The following ADAMTSL1 variants were observed in gnomAD, a reference collection of about 807,000 sequenced individuals.
ADAMTSL1 encodes ADAMTS-like protein 1.
In ADAMTSL1, 126 loss-of-function variants were observed where a neutral mutation model predicts 201.8. The ratio of observed to expected loss-of-function variants is 0.62; its 90% CI spans 0.54 to 0.72. The LOEUF (loss-of-function observed/expected upper bound fraction) is 0.72, where lower values mean the gene tolerates loss of function less well. Among genes scored for constraint, ADAMTSL1 ranks in the 30% least tolerant of loss-of-function variants. The pLI is 0.00. For synonymous variants in ADAMTSL1, 1,121 were observed against 903.4 expected (o/e 1.24, Z -4.32); for missense variants, 2,679 against 2,277.8 (o/e 1.18, Z -3.59).
intron 1 of ADAMTSL1, among the ~76,000 whole-genome samples, chr9:18,036,991 CACTT>C (rs1821227976): frequency 6.6e-6 from 1 of 152,164 alleles, no homozygotes; most frequent in South Asian, 2.1e-4. Flanking sequence ...ACTCAAAACT[CACTT>C]CTCTTTTGTC....
chr9:18,413,515 G>T (rs1232248106), intron 2 of ADAMTSL1, among the ~76,000 whole-genome samples: 3 of 152,186 alleles, frequency 2.0e-5, no homozygotes, highest in African/African-American at 7.2e-5. Flanking sequence ...TTCTGTGTCT[G>T]TAATAGTTAT....
intron 2 of ADAMTSL1, among the ~76,000 whole-genome samples, chr9:18,188,564 G>C (rs1176215946): frequency 6.6e-6 from 1 of 152,102 alleles, no homozygotes; most frequent in East Asian, 1.9e-4. Flanking sequence ...ACTCTTAGAG[G>C]ATTTTCAGAT....
intron 2 of ADAMTSL1, among the ~76,000 whole-genome samples, chr9:18,445,965 C>T (rs1820176232): frequency 6.6e-6 from 1 of 151,932 alleles, no homozygotes; most frequent in South Asian, 2.1e-4. Flanking sequence ...GTATTCATCC[C>T]CCTATTTTAT....
intron 1 of ADAMTSL1, among the ~76,000 whole-genome samples, chr9:18,495,535 C>T (rs1243700156): frequency 6.6e-6 from 1 of 152,148 alleles, no homozygotes; most frequent in Non-Finnish European, 1.5e-5. Context: ...AAAGTATGAC[C>T]AGAACCTCAA....
chr9:18,444,169 A>G (rs1347667382), intron 2 of ADAMTSL1, among the ~76,000 whole-genome samples: 3 of 152,192 alleles, frequency 2.0e-5, no homozygotes, highest in Non-Finnish European at 2.9e-5. Flanking sequence ...ATGGTTTTAG[A>G]GAATTCTTAG....
chr9:18,458,204 A>C (rs546234044), intron 2 of ADAMTSL1, among the ~76,000 whole-genome samples: 115 of 152,314 alleles, frequency 7.6e-4, no homozygotes, highest in Non-Finnish European at 1.4e-3. Context: ...AGAGTTTTCA[A>C]ACATTTTTTA....
At chr9:18,616,032 CT>C (rs984087091) in intron 4 of ADAMTSL1, among the ~76,000 whole-genome samples, 19 of 147,944 alleles carry the variant, frequency 1.3e-4, no homozygotes, top group South Asian at 4.3e-4. Flanking sequence ...TTAAAAATTG[CT>C]TTTTTTTTTG....
chr9:18,867,166 A>T (rs564268202), intron 23 of ADAMTSL1, among the ~76,000 whole-genome samples: 15 of 152,384 alleles, frequency 9.8e-5, no homozygotes, highest in Middle Eastern at 3.4e-3. Context: ...ATTCTGCCAC[A>T]CACAGCAACC....
chr9:17,908,410 C>T (rs1195803377), intron 1 of ADAMTSL1, among the ~76,000 whole-genome samples: 1 of 151,808 alleles, frequency 6.6e-6, no homozygotes, highest in East Asian at 1.9e-4. Context: ...TAATTCTGTT[C>T]TGCAGCTGGG....
At chr9:18,172,272 A>G (rs1429134277) in intron 2 of ADAMTSL1, among the ~76,000 whole-genome samples, 3 of 152,126 alleles carry the variant, frequency 2.0e-5, no homozygotes, top group African/African-American at 4.8e-5. Flanking sequence ...AACTTAAAGT[A>G]TATATAAAAA....
At chr9:17,919,712 T>C (rs547356679) in intron 1 of ADAMTSL1, among the ~76,000 whole-genome samples, 134 of 152,298 alleles carry the variant, frequency 8.8e-4, no homozygotes, top group African/African-American at 2.9e-3. Flanking sequence ...TTTGTTTATT[T>C]GTTCATCTAC....
chr9:18,635,105 G>C (rs1347900837), intron 5 of ADAMTSL1, among the ~76,000 whole-genome samples: 1 of 151,636 alleles, frequency 6.6e-6, no homozygotes, highest in Non-Finnish European at 1.5e-5. Context: ...GCCAATGTCA[G>C]AAGTTTTGGG....
intron 1 of ADAMTSL1, among the ~76,000 whole-genome samples, chr9:18,132,558 T>G (rs533080290): frequency 6.6e-6 from 1 of 152,210 alleles, no homozygotes; most frequent in Non-Finnish European, 1.5e-5. Flanking sequence ...ACAACCTAGA[T>G]GGGTTCAACT....
At chr9:18,908,329 G>C (rs1440110306) in intron 28 of ADAMTSL1, 113 bp from the exon 29 acceptor site, 3 of 868,026 alleles carry the variant, frequency 3.5e-6, no homozygotes, top group Admixed American at 2.0e-5. Context: ...CAGACCCCAG[G>C]ATGTACCCCA....
At chr9:18,088,858 A>G (rs150121985) in intron 1 of ADAMTSL1, among the ~76,000 whole-genome samples, 166 of 152,320 alleles carry the variant, frequency 1.1e-3, no homozygotes, top group African/African-American at 3.9e-3. Flanking sequence ...TAGAACTCCC[A>G]TATGATCTAA....
intron 7 of ADAMTSL1, among the ~76,000 whole-genome samples, chr9:18,639,999 C>T (rs1223786850): frequency 3.3e-5 from 5 of 152,106 alleles, no homozygotes; most frequent in African/African-American, 7.2e-5. Context: ...TTTTTTCCTT[C>T]AGTAGGTCAG....
chr9:18,470,256 G>C (rs1192307438), upstream of ADAMTSL1, among the ~76,000 whole-genome samples: 1 of 152,154 alleles, frequency 6.6e-6, no homozygotes, highest in Non-Finnish European at 1.5e-5. Context: ...TATCACATTA[G>C]ATCATGTGTG....
At chr9:18,794,610 C>T (rs66896527) in intron 19 of ADAMTSL1, among the ~76,000 whole-genome samples, 37,034 of 148,020 alleles carry the variant, frequency 0.25, 4,732 homozygotes, top group Admixed American at 0.31. Context: ...AGATGTCTGT[C>T]TGGTTGTTTT....
At chr9:18,417,696 A>C (rs2133345703) in intron 2 of ADAMTSL1, among the ~76,000 whole-genome samples, 2 of 152,282 alleles carry the variant, frequency 1.3e-5, no homozygotes, top group Middle Eastern at 6.8e-3. Flanking sequence ...GAATCTGAGT[A>C]GTCCTCTAAC....
Sources: allele counts gnomAD v4.1 joint callset (sites outside exome capture counted in the v4.1 genomes callset), GRCh38; gene constraint gnomAD v4.1.1; transcripts MANE v1.5; gene names NCBI Gene and HGNC (gene_info 2026-07-23, HGNC 2026-07-21).